UGT1A7: variants seen among roughly 807,000 people sequenced by gnomAD.
UGT1A7 encodes the protein UDP-glucuronosyltransferase 1A7.
A neutral mutation model predicts 45.6 loss-of-function variants in UGT1A7; 33 were observed. That is an observed-to-expected ratio of 0.72 (90% CI 0.55 to 0.97). UGT1A7 has a LOEUF of 0.97. Ranked by LOEUF, UGT1A7 falls within the 50% of genes least tolerant of loss-of-function variation. The pLI, the probability that UGT1A7 is intolerant of heterozygous loss-of-function variation, is 0.00. For missense variants in UGT1A7, 684 were observed against 666.2 expected, an observed-to-expected ratio of 1.03 and a Z score of -0.29; for synonymous variants, 274 against 250.6, an observed-to-expected ratio of 1.09 and a Z score of -0.88.
rs1375960685 is a variant in UGT1A7 at position 233,768,542 on chromosome 2, T to C, written c.1295+103T>C. On this transcript the variant is annotated intron_variant, in intron 4 of 4. Coordinates refer to ENST00000373426, the MANE Select transcript of UGT1A7 (RefSeq NM_019077.3). ...TAGCATTTAATAGCGTTGTTTCAAA[T>C]ATAAAAACAAATACATAAAAATCTG... 2.1e-6 allele frequency: 3 copies of C among 1,457,940 alleles called. No individual in the cohort carries two copies. In the African/African-American group the frequency reaches 4.3e-5, roughly 21 times the overall value. The allele number at this position is 1,457,940 out of a possible 1,614,324, so 90.3% of individuals were successfully genotyped here.
intron 1 of UGT1A7, chr2:233,719,423 T>C (rs1466755508): frequency 3.7e-6 from 6 of 1,613,856 alleles, no homozygotes; most frequent in Non-Finnish European, 2.5e-6. Context: ...TAACGACCAA[T>C]TCAGACCACA....
At chr2:233,743,908 G>A (rs1211765828) in intron 1 of UGT1A7, 37 of 1,366,084 alleles carry the variant, frequency 2.7e-5, no homozygotes, top group Non-Finnish European at 3.4e-5. Flanking sequence ...CCTCGTAGTA[G>A]TCCACCATGC....
intron 1 of UGT1A7, among the ~76,000 whole-genome samples, chr2:233,764,973 G>C (rs553153469): frequency 6.6e-6 from 1 of 152,178 alleles, no homozygotes; most frequent in African/African-American, 2.4e-5. Context: ...GGAGAAGGAT[G>C]GTCAGTGTCT....
At chr2:233,719,708 C>T in intron 1 of UGT1A7, 1 of 1,613,968 alleles carries the variant, frequency 6.2e-7, no homozygotes, top group Non-Finnish European at 8.5e-7. Flanking sequence ...GTGCCTTCAT[C>T]CAATCAATGT....
At chr2:233,741,063 A>T (rs1349514104) in intron 1 of UGT1A7, among the ~76,000 whole-genome samples, 1 of 151,878 alleles carries the variant, frequency 6.6e-6, no homozygotes, top group Non-Finnish European at 1.5e-5. Flanking sequence ...ACAGCTACAG[A>T]GCGAGACCCT....
intron 1 of UGT1A7, among the ~76,000 whole-genome samples, chr2:233,766,739 C>T (rs1028534873): frequency 6.6e-6 from 1 of 152,120 alleles, no homozygotes; most frequent in East Asian, 1.9e-4. Context: ...TGTGTATGTA[C>T]AGGTGTGTGC....
chr2:233,718,176 T>C (rs1244111722), intron 1 of UGT1A7: 1 of 237,604 alleles, frequency 4.2e-6, no homozygotes, highest in Non-Finnish European at 8.5e-6. Flanking sequence ...TCATCACATC[T>C]TGAGCTCAGC....
chr2:233,738,229 G>GCTCC lies in UGT1A7; in HGVS notation c.856-28804_856-28803insTCCC, dbSNP rs56839564. ...CTGCCAGGATTATAAGTTTCCTGAGGCCCCTCCAGCCACATGGAACTGGAG... is the reference window on the plus strand; with the variant it reads ...CTGCCAGGATTATAAGTTTCCTGAGGCTCCCCCCTCCAGCCACATGGAACTGGAG... On this transcript the variant is annotated intron_variant, in intron 1 of 4. Transcript: ENST00000373426. Among the ~76,000 whole-genome samples, 1,480 of 152,188 alleles carry GCTCC rather than the reference G, an allele frequency of 9.7e-3. 33 individuals are homozygous for GCTCC. The highest frequency in any genetic ancestry group is 0.033 in the African/African-American group (1,389 of 41,506).
At position 233,760,483 on chromosome 2, in the gene UGT1A7, T is replaced by C. The variant is rs750890851; in HGVS notation, c.856-6551T>C. On this transcript the variant is annotated intron_variant, in intron 1 of 4. Transcript: ENST00000373426. ...AGTTGTCCTAGCACCTGACGCCTCG[T>C]TGTACATCAGAGACGGAGCATTTTA... is the stretch of plus-strand genomic sequence containing the variant. The C allele has an allele frequency of 6.2e-6, 10 of 1,614,116 alleles. No individual in the cohort carries two copies. In the South Asian group the frequency reaches 8.8e-5, roughly 14 times the overall value.
intron 1 of UGT1A7, chr2:233,719,408 G>C (rs762624701): frequency 6.2e-7 from 1 of 1,613,826 alleles, no homozygotes. Flanking sequence ...ATATTCCTAA[G>C]TTACTAACGA....
intron 1 of UGT1A7, among the ~76,000 whole-genome samples, chr2:233,692,512 G>A (rs2075099224): frequency 6.6e-6 from 1 of 152,154 alleles, no homozygotes; most frequent in Non-Finnish European, 1.5e-5. Flanking sequence ...TTAACCTGTG[G>A]GGTCCGTGCT....
At chr2:233,729,415 A>G (rs914222718) in intron 1 of UGT1A7, 1 of 1,613,668 alleles carries the variant, frequency 6.2e-7, no homozygotes. Flanking sequence ...GCTGGGCCAC[A>G]CTCAACTGTA....
intron 1 of UGT1A7, chr2:233,756,338 CTTGA>C (rs895884492): frequency 6.6e-6 from 1 of 152,178 alleles, no homozygotes; most frequent in Non-Finnish European, 1.5e-5. Context: ...CTAGTCATCT[CTTGA>C]TTACTTTTAC....
rs557222655 is a variant in UGT1A7 at position 233,742,227 on chromosome 2, CCAAA to C, written c.856-24804_856-24801del. 1.9e-3 allele frequency among the ~76,000 whole-genome samples: 286 copies of C among 151,916 alleles called. 2 individuals carry two copies. The highest frequency in any genetic ancestry group is 3.7e-3 in the Admixed American group (56 of 15,294). ...CTCACAGCCTTCAGGGCTGAGAGCCCCAAACAGAGATTTACCCACATATTTATTG... is the reference window on the plus strand; with the variant it reads ...CTCACAGCCTTCAGGGCTGAGAGCCCCAGAGATTTACCCACATATTTATTG... On this transcript the variant is annotated intron_variant, in intron 1 of 4. Coordinates refer to ENST00000373426, the MANE Select transcript of UGT1A7 (RefSeq NM_019077.3).
At chr2:233,738,830 G>A (rs1258075165) in intron 1 of UGT1A7, 1 of 152,196 alleles carries the variant, frequency 6.6e-6, no homozygotes, top group African/African-American at 2.4e-5. Context: ...AAATAAGGAG[G>A]AACCAAATGT....
At chr2:233,692,959 A>G (rs372856754) in intron 1 of UGT1A7, 275 of 1,607,534 alleles carry the variant, frequency 1.7e-4, no homozygotes, top group Non-Finnish European at 2.3e-4. Context: ...TGTGATTTGG[A>G]GAGTGAAAAC....
rs763737345 is a variant in UGT1A7 at position 233,682,117 on chromosome 2, A to G, written c.180A>G (p.Pro60=). Residue 60 remains proline, a synonymous_variant, in exon 1 of 5, where the codon CCA becomes CCG. Coordinates refer to ENST00000373426, the MANE Select transcript of UGT1A7 (RefSeq NM_019077.3). ...GGCATGAGGTGGTCGTAGTCATGCC[A>G]GAGGTGAGTTGGCAACTGGGAAGAT... The part of the protein sequence containing the change: ...LRGHEVVVVM[P]EVSWQLGRSL... 4.3e-6 allele frequency: 7 copies of G among 1,614,090 alleles called. No individual in the cohort carries two copies. The African/African-American group carries it at 8.0e-5, about 18-fold the overall frequency.
rs574257373 is a variant in UGT1A7 at position 233,696,291 on chromosome 2, A to G, written c.855+13499A>G. Among the ~76,000 whole-genome samples, 4 of 152,342 alleles carry G rather than the reference A, an allele frequency of 2.6e-5. No homozygotes were observed. In the East Asian group the frequency reaches 7.7e-4, roughly 29 times the overall value. On this transcript the variant is annotated intron_variant, in intron 1 of 4. Transcript: ENST00000373426. ...TGGATAAAGAAAACGTAGGACTGTA[A>G]TATCGTGAAATATATATTTGGTCTT... is the stretch of plus-strand genomic sequence containing the variant.
chr2:233,747,386 G>C, intron 1 of UGT1A7: 1 of 1,605,212 alleles, frequency 6.2e-7, no homozygotes, highest in Middle Eastern at 1.7e-4. Context: ...GCCACCAGGC[G>C]GTGGTCCTCA....
Sources: gnomAD v4.1 joint callset for allele counts (sites outside exome capture counted in the v4.1 genomes callset) on GRCh38, gnomAD v4.1.1 for gene constraint, MANE v1.5 for transcripts, NCBI Gene and HGNC (gene_info 2026-07-23, HGNC 2026-07-21) for gene names.